ZNF469: variants seen among roughly 807,000 people sequenced by gnomAD.
ZNF469 encodes the protein zinc finger protein 469.
Under a neutral mutation model 1.0 loss-of-function variants are expected in ZNF469, and 1 was observed. The observed-to-expected ratio is 1.00, with a 90% CI of 0.35 to 4.73. The LOEUF is 4.73. Ranked by LOEUF, ZNF469 falls within the 30% of genes most tolerant of loss-of-function variation. ZNF469 has a pLI of 0.16. For synonymous variants in ZNF469, 2,703 were observed against 2,363.4 expected, an observed-to-expected ratio of 1.14 and a Z score of -4.17; for missense variants, 6,100 against 5,356.3, an observed-to-expected ratio of 1.14 and a Z score of -4.33.
chr16:88,439,224 G>A lies in ZNF469; in HGVS notation c.11754G>A (p.Glu3918=). The change falls in exon 3 of 3, where the codon GAG becomes GAA. Residue 3918 remains glutamate, a synonymous_variant. Transcript: ENST00000565624. The part of the protein sequence containing the change: ...GTAVHGAEPA[E]PHTHRTAEAQ... ...CTGTCCACGGTGCTGAACCTGCCGA[G>A]CCACACACCCACCGGACGGCCGAGG... 4 of 1,550,462 alleles carry A rather than the reference G, an allele frequency of 2.6e-6. No homozygotes were observed. Among genetic ancestry groups the A allele is most frequent in the Non-Finnish European group, 2.6e-6 (3 of 1,146,978 alleles).
chr16:88,127,721 G>T, the ZNF469 span, among the ~76,000 whole-genome samples: 5 of 152,176 alleles, frequency 3.3e-5, no homozygotes, highest in African/African-American at 4.8e-5. Flanking sequence ...CTGAGGGTGG[G>T]GTGGCCTCCT....
the ZNF469 span, among the ~76,000 whole-genome samples, chr16:88,166,065 G>A: frequency 6.6e-6 from 1 of 152,256 alleles, no homozygotes; most frequent in Non-Finnish European, 1.5e-5. This position sits in a 1 kb window ranked among gnomAD's most constrained non-coding sequence, Gnocchi z 4.5. Flanking sequence ...TGAGGAGGCC[G>A]ACCCTTGTCC....
Position 88,437,697 on chromosome 16 carries a change from G to T in ZNF469, c.10227G>T (p.Thr3409=). 6.5e-7 allele frequency: 1 copy of T among 1,549,768 alleles called. No individual in the cohort carries two copies. Among genetic ancestry groups the T allele is most frequent in the Non-Finnish European group, 8.7e-7 (1 of 1,146,596 alleles). ...TGTATGCCTGCGAGCTCTGCGCCACGGTTATGCGCATCATCAAGAAGTCCT... is the reference window on the plus strand; with the variant it reads ...TGTATGCCTGCGAGCTCTGCGCCACTGTTATGCGCATCATCAAGAAGTCCT... ...TPLYACELCA[T]VMRIIKKSFA... is the part of the protein sequence containing the mutation. The change falls in exon 3 of 3, where the codon ACG becomes ACT. Residue 3409 remains threonine (T), a synonymous_variant. Coordinates refer to ENST00000565624, the MANE Select transcript of ZNF469 (RefSeq NM_001367624.2).
the ZNF469 span, among the ~76,000 whole-genome samples, chr16:88,134,303 G>A: frequency 1.3e-5 from 2 of 152,126 alleles, no homozygotes; most frequent in Non-Finnish European, 2.9e-5. Flanking sequence ...TGGCTGCACG[G>A]TGCACTGTTG....
At chr16:88,203,598 C>T in the ZNF469 span, among the ~76,000 whole-genome samples, 1 of 152,220 alleles carries the variant, frequency 6.6e-6, no homozygotes, top group Admixed American at 6.5e-5. Flanking sequence ...CAGGGCCATG[C>T]TGCCTGGGGG....
At chr16:88,377,288 G>A in the ZNF469 span, among the ~76,000 whole-genome samples, 1 of 152,236 alleles carries the variant, frequency 6.6e-6, no homozygotes, top group Non-Finnish European at 1.5e-5. Flanking sequence ...CCTCACAGAG[G>A]GTGGGCAAGG....
chr16:88,187,110 C>T, the ZNF469 span, among the ~76,000 whole-genome samples: 189 of 152,230 alleles, frequency 1.2e-3, no homozygotes, highest in African/African-American at 4.2e-3. Context: ...GTCTGGCCAG[C>T]AGGTCAGGAC....
chr16:88,139,820 C>A, the ZNF469 span, among the ~76,000 whole-genome samples: 6 of 152,236 alleles, frequency 3.9e-5, no homozygotes, highest in African/African-American at 1.2e-4. Context: ...AGTCTGGTGA[C>A]TGCATGGTTA....
chr16:88,301,459 G>A, the ZNF469 span, among the ~76,000 whole-genome samples: 1 of 152,158 alleles, frequency 6.6e-6, no homozygotes, highest in Non-Finnish European at 1.5e-5. Context: ...CAGTGGCCAC[G>A]CTTCTCTAAG....
At chr16:88,333,788 G>C in the ZNF469 span, among the ~76,000 whole-genome samples, 849 of 147,868 alleles carry the variant, frequency 5.7e-3, 4 homozygotes, top group Non-Finnish European at 9.2e-3. Flanking sequence ...CCAAGAACCG[G>C]AGCACTTCAC....
chr16:88,277,304 A>G, the ZNF469 span, among the ~76,000 whole-genome samples: 104,247 of 145,090 alleles, frequency 0.72, 37,353 homozygotes, highest in East Asian at 0.91. Flanking sequence ...AGTCAGTACC[A>G]TGTAGATATC....
At position 88,430,377 on chromosome 16, in the gene ZNF469, GGGC is replaced by G. The variant is rs775423936; in HGVS notation, c.2917_2919del (p.Gly973del). 29 of 1,515,898 alleles carry G rather than the reference GGGC, an allele frequency of 1.9e-5. No homozygotes were observed. Among genetic ancestry groups the G allele is most frequent in the East Asian group, 2.5e-5 (1 of 40,410 alleles). 93.9% of individuals were successfully genotyped at this position (1,515,898 alleles called of 1,614,324 possible). The stretch of plus-strand genomic sequence containing the variant: ...GCGGCGCAGCAGAGGGGTCGGGGTC[GGGC>G]GGCGGCGGCAGAGCCTCCGGCCTGA... On this transcript the variant is annotated inframe_deletion, in exon 3 of 3. Coordinates refer to ENST00000565624, the MANE Select transcript of ZNF469 (RefSeq NM_001367624.2).
At chr16:88,190,272 C>T in the ZNF469 span, among the ~76,000 whole-genome samples, 16 of 152,236 alleles carry the variant, frequency 1.1e-4, no homozygotes, top group South Asian at 2.1e-4. Context: ...AATTTCAGGC[C>T]GAATATTGTC....
In ZNF469 at chr16:88,431,034, C is replaced by G. The variant is rs761406489; in HGVS notation, c.3564C>G (p.Gly1188=). 1 of 1,546,494 alleles carries G rather than the reference C, an allele frequency of 6.5e-7. No homozygotes were observed. The highest frequency in any genetic ancestry group is 1.2e-5 in the South Asian group (1 of 84,016). ...CGGGAGCGGCCGCCAGGGAGGGAGG[C>G]CCCAAGTGTGCTGATCGCCCCTCAG... The part of the protein sequence containing the change: ...LETGAAAREG[G]PKCADRPSVA... Residue 1188 remains glycine, a synonymous_variant, in exon 3 of 3, where the codon GGC becomes GGG. Transcript: ENST00000565624.
the ZNF469 span, among the ~76,000 whole-genome samples, chr16:88,136,808 G>A: frequency 6.6e-6 from 1 of 152,224 alleles, no homozygotes; most frequent in Admixed American, 6.5e-5. Flanking sequence ...TACAGGGCAG[G>A]GCCTGGGTGA....
the ZNF469 span, among the ~76,000 whole-genome samples, chr16:88,226,014 T>C: frequency 1.7e-4 from 26 of 152,034 alleles, no homozygotes; most frequent in Non-Finnish European, 3.4e-4. Context: ...AGCCCCAGGA[T>C]GGTCGCCCCC....
the ZNF469 span, among the ~76,000 whole-genome samples, chr16:88,351,575 C>A: frequency 6.6e-6 from 1 of 152,208 alleles, no homozygotes; most frequent in Non-Finnish European, 1.5e-5. Flanking sequence ...GTCCCCGTGT[C>A]CTCCGCGAAA....
chr16:88,116,506 C>T, the ZNF469 span, among the ~76,000 whole-genome samples: 5 of 152,326 alleles, frequency 3.3e-5, no homozygotes, highest in Admixed American at 6.5e-5. Flanking sequence ...ACTCTTGGGG[C>T]GTTTATTCCA....
the ZNF469 span, among the ~76,000 whole-genome samples, chr16:88,176,985 C>T: frequency 7.2e-5 from 11 of 152,194 alleles, no homozygotes; most frequent in African/African-American, 2.2e-4. Flanking sequence ...AAGCCTCATC[C>T]GGGAATGGGA....
Sources: allele counts gnomAD v4.1 joint callset (sites outside exome capture counted in the v4.1 genomes callset), GRCh38; gene constraint gnomAD v4.1.1; non-coding constraint Gnocchi (gnomAD v3.1); transcripts MANE v1.5; gene names NCBI Gene and HGNC (gene_info 2026-07-23, HGNC 2026-07-21).